IL1R1: variants seen among roughly 807,000 people sequenced by gnomAD.
IL1R1 encodes interleukin-1 receptor type 1.
IL1R1 carries 22 observed loss-of-function variants against 50.2 expected under a neutral mutation model. The ratio of observed to expected loss-of-function variants is 0.44; its 90% confidence interval spans 0.31 to 0.63. IL1R1 has a LOEUF of 0.63. IL1R1 is among the 20% of genes least tolerant of loss of function. The pLI is 0.07. For missense variants in IL1R1, 509 were observed against 676.2 expected, an observed-to-expected ratio of 0.75 and a Z score of 2.74; for synonymous variants, 251 against 236.7, an observed-to-expected ratio of 1.06 and a Z score of -0.55.
At chr2:102,085,639 T>C (rs1679399762) in intron 1 of IL1R1, among the ~76,000 whole-genome samples, 1 of 152,116 alleles carries the variant, frequency 6.6e-6, no homozygotes, top group East Asian at 1.9e-4. Flanking sequence ...TAAAATGCTA[T>C]CTAGTAGGGT....
At chr2:102,111,544 C>T (rs1861284) in intron 1 of IL1R1, among the ~76,000 whole-genome samples, 45,214 of 152,120 alleles carry the variant, frequency 0.3, 7,684 homozygotes, top group Non-Finnish European at 0.37. Context: ...CCAACCTGTG[C>T]TAAGCCCTGT....
chr2:102,086,421 GTGAT>G, intron 1 of IL1R1, among the ~76,000 whole-genome samples: 1 of 152,092 alleles, frequency 6.6e-6, no homozygotes, highest in Admixed American at 6.5e-5. Context: ...TGCTTTCTTT[GTGAT>G]TATTCTTTGT....
At chr2:102,169,098 T>C (rs745629613) in intron 7 of IL1R1, among the ~76,000 whole-genome samples, 31 of 152,184 alleles carry the variant, frequency 2.0e-4, no homozygotes, top group Non-Finnish European at 3.5e-4. Context: ...ATTTGACATC[T>C]TAAAGAACTT....
intron 1 of IL1R1, among the ~76,000 whole-genome samples, chr2:102,081,987 C>A (rs532537870): frequency 1.3e-5 from 2 of 152,286 alleles, no homozygotes; most frequent in Admixed American, 6.5e-5. Context: ...CAAATGTTAG[C>A]CTGCCTCAGA....
intron 1 of IL1R1, among the ~76,000 whole-genome samples, chr2:102,084,094 G>A (rs897620425): frequency 3.2e-4 from 49 of 152,082 alleles, no homozygotes; most frequent in Admixed American, 2.8e-3. Flanking sequence ...TGAATCTCTC[G>A]CAATCTCAAT....
At chr2:102,100,524 TAC>T (rs1457724047), upstream of IL1R1, among the ~76,000 whole-genome samples, 1 of 152,242 alleles carries the variant, frequency 6.6e-6, no homozygotes, top group Non-Finnish European at 1.5e-5. Context: ...TGCAGATACT[TAC>T]ATGAAATTCT....
chr2:102,095,869 G>T (rs1404522077), intron 1 of IL1R1, among the ~76,000 whole-genome samples: 1 of 152,066 alleles, frequency 6.6e-6, no homozygotes, highest in African/African-American at 2.4e-5. Context: ...TGGGTGTGGT[G>T]GTACGTGCCT....
chr2:102,146,853 A>G (rs541808683), intron 1 of IL1R1, among the ~76,000 whole-genome samples: 33 of 152,280 alleles, frequency 2.2e-4, no homozygotes, highest in African/African-American at 7.2e-4. Flanking sequence ...ATGGCCTCCA[A>G]TGCTAAATGC....
At chr2:102,074,458 G>T (rs778165932) in intron 1 of IL1R1, among the ~76,000 whole-genome samples, 1 of 109,264 alleles carries the variant, frequency 9.2e-6, no homozygotes, top group Admixed American at 8.5e-5. Flanking sequence ...CTCTCCAGCC[G>T]GGTGGCCTAT....
chr2:102,120,681 A>G (rs1200181491), intron 1 of IL1R1, among the ~76,000 whole-genome samples: 1 of 152,214 alleles, frequency 6.6e-6, no homozygotes, highest in Non-Finnish European at 1.5e-5. Context: ...GGTTTCCTGA[A>G]GCAGAAGCTT....
intron 11 of IL1R1, chr2:102,176,046 C>A: frequency 2.2e-6 from 1 of 449,940 alleles, no homozygotes; most frequent in Non-Finnish European, 3.9e-6. Context: ...GGGAGGTTTG[C>A]AGTGGCTCAT....
intron 1 of IL1R1, among the ~76,000 whole-genome samples, chr2:102,130,895 G>C (rs1405618898): frequency 6.6e-6 from 1 of 152,090 alleles, no homozygotes; most frequent in African/African-American, 2.4e-5. Flanking sequence ...TTAAGAATTG[G>C]ACATCAGCTA....
intron 1 of IL1R1, among the ~76,000 whole-genome samples, chr2:102,134,570 T>C (rs2104423551): frequency 6.6e-6 from 1 of 151,424 alleles, no homozygotes; most frequent in Non-Finnish European, 1.5e-5. Flanking sequence ...TAGAGACGGG[T>C]TTTCTCCATG....
chr2:102,139,991 G>A (rs1682554297), upstream of IL1R1, among the ~76,000 whole-genome samples: 1 of 152,172 alleles, frequency 6.6e-6, no homozygotes, highest in South Asian at 2.1e-4. Flanking sequence ...AAACCTTTCA[G>A]GGTCTAGTAA....
At chr2:102,155,161 A>G (rs991324246) in intron 2 of IL1R1, among the ~76,000 whole-genome samples, 1 of 152,232 alleles carries the variant, frequency 6.6e-6, no homozygotes, top group Admixed American at 6.5e-5. Context: ...CATTTTATCA[A>G]AACTGTTATT....
intron 1 of IL1R1, among the ~76,000 whole-genome samples, chr2:102,136,446 G>A (rs1682349221): frequency 7.5e-6 from 1 of 133,690 alleles, no homozygotes; most frequent in Non-Finnish European, 1.5e-5. Flanking sequence ...GCACGATCTT[G>A]GCTCATTGCA....
At chr2:102,084,396 T>G (rs966073507) in intron 1 of IL1R1, among the ~76,000 whole-genome samples, 1 of 152,202 alleles carries the variant, frequency 6.6e-6, no homozygotes, top group South Asian at 2.1e-4. Flanking sequence ...CCTGTAATAA[T>G]AGAGGTTGCT....
At chr2:102,132,765 T>G (rs1682108431) in intron 1 of IL1R1, among the ~76,000 whole-genome samples, 1 of 152,074 alleles carries the variant, frequency 6.6e-6, no homozygotes, top group African/African-American at 2.4e-5. Context: ...CTAGGTAATA[T>G]CACTATACTA....
At chr2:102,119,904 T>G (rs1681311106) in intron 1 of IL1R1, among the ~76,000 whole-genome samples, 1 of 152,178 alleles carries the variant, frequency 6.6e-6, no homozygotes, top group African/African-American at 2.4e-5. Context: ...CTTCAGAACT[T>G]ATTCATTTCA....
Sources: allele counts gnomAD v4.1 joint callset (sites outside exome capture counted in the v4.1 genomes callset), GRCh38; gene constraint gnomAD v4.1.1; transcripts MANE v1.5; gene names NCBI Gene and HGNC (gene_info 2026-07-23, HGNC 2026-07-21).